The following BNC2 variants were observed in gnomAD, a reference collection of about 807,000 sequenced individuals.
BNC2 encodes zinc finger protein basonuclin-2.
In BNC2, 20 loss-of-function variants were observed where a neutral mutation model predicts 76.3. That is an observed-to-expected ratio of 0.26 (90% CI 0.18 to 0.38). The LOEUF (loss-of-function observed/expected upper bound fraction) is 0.38. BNC2 is among the 10% of genes least tolerant of loss of function. BNC2 has a pLI of 1.00. For synonymous variants in BNC2, 582 were observed against 514.8 expected (o/e 1.13, Z -1.77); for missense variants, 1,382 against 1,399.8 (o/e 0.99, Z 0.20).
rs185102865 is a variant in BNC2, at chr9:16,650,855, C to A, written c.331-67770G>T. On this transcript the variant is annotated intron_variant, in intron 3 of 6. Coordinates refer to ENST00000380672, the MANE Select transcript of BNC2 (RefSeq NM_017637.6). ...TCCAAACTTTTAGAAAATTATAGGT[C>A]CACAAAGTTATGTTTGTGTAAGTTT... Among the ~76,000 whole-genome samples, 122 of 152,272 alleles carry A rather than the reference C, an allele frequency of 8.0e-4. 2 individuals carry two copies. Among genetic ancestry groups the A allele is most frequent in the Non-Finnish European group, 1.6e-3 (110 of 68,030 alleles).
chr9:16,830,976 C>G (rs1818565261), intron 1 of BNC2, among the ~76,000 whole-genome samples: 2 of 152,188 alleles, frequency 1.3e-5, no homozygotes, highest in African/African-American at 4.8e-5. Flanking sequence ...CTGAATGAAG[C>G]CAGTAACAGA....
Position 16,471,686 on chromosome 9 carries a change from A to G in BNC2, c.670-34162T>C, listed in dbSNP as rs1278832519. On this transcript the variant is annotated intron_variant, in intron 5 of 6. Transcript: ENST00000380672. ...TGTGGACTTTTGGGTTAATGCTGAA[A>G]TGAGTTAAGACTTTGGGGGACTGCT... 2.0e-5 allele frequency among the ~76,000 whole-genome samples: 3 copies of G among 152,286 alleles called. No individual in the cohort carries two copies. In the East Asian group the frequency reaches 5.8e-4, roughly 29 times the overall value.
At chr9:16,524,675 A>G (rs1817738092) in intron 5 of BNC2, among the ~76,000 whole-genome samples, 1 of 152,244 alleles carries the variant, frequency 6.6e-6, no homozygotes, top group African/African-American at 2.4e-5. Flanking sequence ...ATACAGTGGA[A>G]GAAAAAATAG....
At chr9:16,663,527 G>C (rs1470596002) in intron 3 of BNC2, among the ~76,000 whole-genome samples, 2 of 152,082 alleles carry the variant, frequency 1.3e-5, no homozygotes, top group Admixed American at 6.5e-5. Context: ...ATAAAAAGAA[G>C]GGACTGAACT....
intron 5 of BNC2, among the ~76,000 whole-genome samples, chr9:16,488,402 C>CA (rs1430048594): frequency 6.6e-6 from 1 of 152,150 alleles, no homozygotes; most frequent in African/African-American, 2.4e-5. Context: ...CCTATACTTA[C>CA]ACTAATGGAA....
At chr9:16,579,140 C>A (rs909926260) in intron 4 of BNC2, among the ~76,000 whole-genome samples, 1 of 152,152 alleles carries the variant, frequency 6.6e-6, no homozygotes, top group African/African-American at 2.4e-5. Context: ...TTCAGAACTG[C>A]TCTGAGATTC....
rs1820483140 is a variant in BNC2, at chr9:16,412,488, C to T, written c.*6501G>A. ...ATTTGCTCTAATTATAGGGCCACAC[C>T]CATTACTCTCAAGATGGAATTGTTA... On this transcript the variant is annotated 3_prime_UTR_variant, in exon 7 of 7. Transcript: ENST00000380672. 1 of 152,446 alleles carries T rather than the reference C, an allele frequency of 6.6e-6. No individual in the cohort carries two copies. Among genetic ancestry groups the T allele is most frequent in the African/African-American group, 2.4e-5 (1 of 41,412 alleles). The allele number at this position is 152,446 out of a possible 1,614,324, so 9.4% of individuals were successfully genotyped here.
At chr9:16,818,359 G>T (rs1275751732) in intron 1 of BNC2, among the ~76,000 whole-genome samples, 4 of 152,142 alleles carry the variant, frequency 2.6e-5, no homozygotes, top group African/African-American at 9.7e-5. Flanking sequence ...AGCCGACATG[G>T]CGCCACTGCA....
chr9:16,778,417 T>C (rs1458111175), intron 1 of BNC2, among the ~76,000 whole-genome samples: 1 of 152,086 alleles, frequency 6.6e-6, no homozygotes, highest in Non-Finnish European at 1.5e-5. Flanking sequence ...CTACCAACAA[T>C]GATCATAATA....
intron 5 of BNC2, among the ~76,000 whole-genome samples, chr9:16,539,768 A>AAAGGAAAAGAAAGGAAAG (rs1563831014): frequency 3.4e-5 from 2 of 58,966 alleles, no homozygotes; most frequent in African/African-American, 6.6e-5. Flanking sequence ...GGAAAGGAAA[A>AAAGGAAAAGAAAGGAAAG]GAAAGGAAAG....
At chr9:16,790,716 T>C (rs1381468493) in intron 1 of BNC2, among the ~76,000 whole-genome samples, 5 of 152,050 alleles carry the variant, frequency 3.3e-5, no homozygotes, top group Non-Finnish European at 1.5e-5. Flanking sequence ...CACAACCACT[T>C]CATAACTGAC....
At chr9:16,809,351 ATTTT>A (rs920685686) in intron 1 of BNC2, among the ~76,000 whole-genome samples, 5 of 151,124 alleles carry the variant, frequency 3.3e-5, no homozygotes, top group Non-Finnish European at 5.9e-5. Context: ...AGAAAGCTCA[ATTTT>A]TTTTTATGGA....
chr9:16,603,994 T>C (rs1185634988), intron 3 of BNC2, among the ~76,000 whole-genome samples: 1 of 152,192 alleles, frequency 6.6e-6, no homozygotes, highest in Non-Finnish European at 1.5e-5. Flanking sequence ...ATGTAAACTC[T>C]AGTAAATAAA....
At chr9:16,587,938 A>C (rs1212065414) in intron 3 of BNC2, among the ~76,000 whole-genome samples, 3 of 152,100 alleles carry the variant, frequency 2.0e-5, no homozygotes, top group African/African-American at 7.2e-5. Context: ...ACAGGTTGTG[A>C]ATATTATATT....
intron 1 of BNC2, among the ~76,000 whole-genome samples, chr9:16,755,484 A>C (rs1825357764): frequency 6.6e-6 from 1 of 152,174 alleles, no homozygotes; most frequent in Non-Finnish European, 1.5e-5. Flanking sequence ...CTTAACCATT[A>C]GGGTAATATC....
chr9:16,580,051 T>C (rs1199671362), intron 4 of BNC2: 1 of 398,388 alleles, frequency 2.5e-6, no homozygotes, highest in African/African-American at 2.1e-5. Flanking sequence ...ACTTCCTCAT[T>C]GCCCCACACC....
intron 1 of BNC2, among the ~76,000 whole-genome samples, chr9:16,778,143 G>A (rs1234095922): frequency 1.3e-5 from 2 of 152,046 alleles, no homozygotes; most frequent in African/African-American, 4.8e-5. Flanking sequence ...TTTTATAAAT[G>A]AAAAACAATG....
intron 3 of BNC2, among the ~76,000 whole-genome samples, chr9:16,681,661 C>A (rs187687058): frequency 1.2e-3 from 180 of 152,238 alleles, no homozygotes; most frequent in Admixed American, 2.0e-3. Flanking sequence ...TCCCTTCCCC[C>A]ACTAAATTTA....
chr9:16,735,076 A>G (rs1046515963), intron 2 of BNC2, among the ~76,000 whole-genome samples: 6 of 152,206 alleles, frequency 3.9e-5, no homozygotes, highest in Non-Finnish European at 4.4e-5. Flanking sequence ...CCCTTGATGC[A>G]CTACAAAAAT....
Sources: allele counts gnomAD v4.1 joint callset (sites outside exome capture counted in the v4.1 genomes callset), GRCh38; gene constraint gnomAD v4.1.1; transcripts MANE v1.5; gene names NCBI Gene and HGNC (gene_info 2026-07-23, HGNC 2026-07-21).